Variants in STARD13 observed in about 807,000 individuals in gnomAD.
STARD13 encodes StAR related lipid transfer domain containing 13.
In STARD13, 62 loss-of-function variants were observed where a neutral mutation model predicts 106.4. That is an observed-to-expected ratio of 0.58 (90% CI 0.48 to 0.72). STARD13 has a LOEUF of 0.72. STARD13 is among the 30% of genes least tolerant of loss of function. The pLI is 0.00. For synonymous variants in STARD13, 565 were observed against 553.0 expected (o/e 1.02, Z -0.31); for missense variants, 1,387 against 1,424.0 (o/e 0.97, Z 0.42).
the STARD13 span, among the ~76,000 whole-genome samples, chr13:33,497,009 C>A: frequency 6.6e-6 from 1 of 152,010 alleles, no homozygotes. Context: ...TCTGTTTTGT[C>A]TTATTTTCAC....
At chr13:33,495,448 A>G in the STARD13 span, among the ~76,000 whole-genome samples, 1 of 152,198 alleles carries the variant, frequency 6.6e-6, no homozygotes, top group South Asian at 2.1e-4. Context: ...AATGATAAAC[A>G]TTTACAAGGG....
At chr13:33,580,347 T>A in the STARD13 span, among the ~76,000 whole-genome samples, 31,295 of 151,892 alleles carry the variant, frequency 0.21, 4,084 homozygotes, top group East Asian at 0.38. Flanking sequence ...AAAAAGGCAC[T>A]CTTATGGAGA....
the STARD13 span, among the ~76,000 whole-genome samples, chr13:33,662,029 G>A: frequency 2.0e-5 from 3 of 152,154 alleles, no homozygotes; most frequent in South Asian, 2.1e-4. Flanking sequence ...CTGGGAGGCC[G>A]AGGTGGGCGG....
the STARD13 span, among the ~76,000 whole-genome samples, chr13:33,529,776 G>A: frequency 1.1e-4 from 16 of 152,084 alleles, no homozygotes; most frequent in Admixed American, 1.0e-3. Flanking sequence ...TTCAGGGGAT[G>A]GGAATCCAAA....
At chr13:33,304,155 CT>C (rs1892819735) in intron 1 of STARD13, among the ~76,000 whole-genome samples, 1 of 152,252 alleles carries the variant, frequency 6.6e-6, no homozygotes, top group Admixed American at 6.5e-5. Context: ...GCCGAAGGCC[CT>C]TACTTCTGAG....
chr13:33,450,521 A>T, the STARD13 span, among the ~76,000 whole-genome samples: 1 of 152,100 alleles, frequency 6.6e-6, no homozygotes. Flanking sequence ...ATTAACCTGA[A>T]GTTTTCTTTT....
In STARD13 at chr13:33,130,350, G is replaced by A; in HGVS notation, c.388-61C>T. Reference sequence around the variant, plus strand: ...AGCGTGGCTGAAGCAGGAACTCTGGGTGCTCTGAGGGCAGCCCTGTGTGGT... The same window carrying A: ...AGCGTGGCTGAAGCAGGAACTCTGGATGCTCTGAGGGCAGCCCTGTGTGGT... On this transcript the variant is annotated intron_variant, in intron 4 of 13. Coordinates refer to ENST00000336934, the MANE Select transcript of STARD13 (RefSeq NM_178006.4). The surrounding 1 kb of genome is among the most constrained non-coding windows in gnomAD (Gnocchi z 4.1). 6.6e-7 allele frequency: 1 copy of A among 1,525,494 alleles called. No individual in the cohort carries two copies. Among genetic ancestry groups the A allele is most frequent in the Admixed American group, 1.7e-5 (1 of 57,540 alleles). 94.5% of individuals were successfully genotyped at this position (1,525,494 alleles called of 1,614,324 possible). A position where few individuals can be genotyped will look rare whatever the true frequency, so the allele number is the denominator to read the frequency against.
intron 4 of STARD13, among the ~76,000 whole-genome samples, chr13:33,135,721 T>C (rs185780906): frequency 6.6e-6 from 1 of 152,340 alleles, no homozygotes; most frequent in African/African-American, 2.4e-5. Flanking sequence ...TTCCCTACGA[T>C]GACTGGTACT....
chr13:33,576,465 C>A, the STARD13 span, among the ~76,000 whole-genome samples: 1 of 151,888 alleles, frequency 6.6e-6, no homozygotes. Flanking sequence ...AACTTCTGGG[C>A]TCAAGCAATC....
the STARD13 span, among the ~76,000 whole-genome samples, chr13:33,675,575 T>C: frequency 6.6e-6 from 1 of 152,106 alleles, no homozygotes; most frequent in East Asian, 1.9e-4. Flanking sequence ...GGAGCAAGAA[T>C]ATGGTTTGCT....
the STARD13 span, among the ~76,000 whole-genome samples, chr13:33,456,173 C>T: frequency 1.7e-4 from 26 of 151,962 alleles, no homozygotes; most frequent in East Asian, 3.3e-3. Flanking sequence ...GTGGCTTAAA[C>T]GACAGAATTT....
the STARD13 span, among the ~76,000 whole-genome samples, chr13:33,379,702 G>A: frequency 6.6e-6 from 1 of 152,208 alleles, no homozygotes; most frequent in Non-Finnish European, 1.5e-5. Context: ...CTCTTTTACA[G>A]ATAAGGAAAC....
chr13:33,185,969 C>T, intron 1 of STARD13: 1 of 1,614,228 alleles, frequency 6.2e-7, no homozygotes, highest in South Asian at 1.1e-5. Context: ...GCACCAAGCA[C>T]CACAAAGGGG....
the STARD13 span, among the ~76,000 whole-genome samples, chr13:33,396,547 T>G: frequency 5.9e-5 from 9 of 152,158 alleles, no homozygotes; most frequent in Non-Finnish European, 1.0e-4. Flanking sequence ...AAAGGAAACA[T>G]TTTTGCTTCA....
At chr13:33,658,882 A>G in the STARD13 span, among the ~76,000 whole-genome samples, 50 of 152,172 alleles carry the variant, frequency 3.3e-4, no homozygotes, top group Non-Finnish European at 6.3e-4. Flanking sequence ...TTGGTCACCA[A>G]TGGGCAGTGA....
At chr13:33,548,493 G>A in the STARD13 span, among the ~76,000 whole-genome samples, 1 of 152,172 alleles carries the variant, frequency 6.6e-6, no homozygotes, top group Non-Finnish European at 1.5e-5. Context: ...TGTGATGCCT[G>A]ATTCATAAAA....
At chr13:33,611,644 A>C in the STARD13 span, 1 of 152,220 alleles carries the variant, frequency 6.6e-6, no homozygotes, top group Admixed American at 6.5e-5. Context: ...GGCTATAGTT[A>C]AGAGTGCCAG....
At chr13:33,151,617 G>A (rs1445424299) in intron 3 of STARD13, among the ~76,000 whole-genome samples, 6 of 152,184 alleles carry the variant, frequency 3.9e-5, no homozygotes, top group Non-Finnish European at 8.8e-5. Context: ...CATATTGAGG[G>A]ATAAGCCTGG....
At chr13:33,626,750 A>G in the STARD13 span, among the ~76,000 whole-genome samples, 1 of 152,188 alleles carries the variant, frequency 6.6e-6, no homozygotes, top group South Asian at 2.1e-4. Flanking sequence ...GAGCATTGTC[A>G]TTACTGTAAG....
Sources: allele counts gnomAD v4.1 joint callset (sites outside exome capture counted in the v4.1 genomes callset), GRCh38; gene constraint gnomAD v4.1.1; non-coding constraint Gnocchi (gnomAD v3.1); transcripts MANE v1.5; gene names NCBI Gene and HGNC (gene_info 2026-07-23, HGNC 2026-07-21).